The following NSUN3 variants were observed in gnomAD, a reference collection of about 807,000 sequenced individuals.
NSUN3 encodes the protein tRNA (cytosine(34)-C(5))-methyltransferase, mitochondrial.
NSUN3 carries 24 observed loss-of-function variants against 36.8 expected under a neutral mutation model. The observed-to-expected ratio is 0.65, with a 90% CI of 0.47 to 0.92. The LOEUF is 0.92. Among genes scored for constraint, NSUN3 ranks in the 40% least tolerant of loss-of-function variants. NSUN3 has a pLI of 0.00. For missense variants in NSUN3, 381 were observed against 392.8 expected, an observed-to-expected ratio of 0.97 and a Z score of 0.25; for synonymous variants, 146 against 145.2, an observed-to-expected ratio of 1.01 and a Z score of -0.04.
chr3:94,066,372 A>G (rs1367542720), intron 2 of NSUN3, among the ~76,000 whole-genome samples: 1 of 152,242 alleles, frequency 6.6e-6, no homozygotes, highest in Admixed American at 6.5e-5. Flanking sequence ...ATGGGGAAAT[A>G]AGAACAGAAT....
chr3:94,117,001 T>TTC lies in NSUN3; in HGVS notation c.744-9209_744-9208insCT, dbSNP rs1232338680. On this transcript the variant is annotated intron_variant, in intron 5 of 5. Coordinates refer to ENST00000314622, the MANE Select transcript of NSUN3 (RefSeq NM_022072.5). Reference sequence around the variant, plus strand: ...CTGCCACAACTTTTTTTTTTTTTTTTTTTTTTTTTTTTTGGGAGACAGAAT... The same window carrying TTC: ...CTGCCACAACTTTTTTTTTTTTTTTTTCTTTTTTTTTTTTTGGGAGACAGAAT... Among the ~76,000 whole-genome samples the TTC allele has an allele frequency of 1.1e-3, 154 of 144,680 alleles. 1 individual carries two copies. In the East Asian group the frequency reaches 0.016, roughly 15 times the overall value. The allele number at this position is 144,680 out of a possible 152,430, so 94.9% of individuals were successfully genotyped here.
At chr3:94,089,219 G>C (rs551992777) in intron 3 of NSUN3, among the ~76,000 whole-genome samples, 2 of 152,178 alleles carry the variant, frequency 1.3e-5, no homozygotes, top group South Asian at 4.1e-4. Context: ...AGGCATGAGT[G>C]GGGCAGGAGA....
At chr3:94,096,108 T>C (rs1455937416) in intron 5 of NSUN3, among the ~76,000 whole-genome samples, 2 of 152,094 alleles carry the variant, frequency 1.3e-5, no homozygotes, top group African/African-American at 4.8e-5. Flanking sequence ...AATGGTGCCT[T>C]AATCACTCAT....
chr3:94,103,904 A>AG (rs1195554333), intron 5 of NSUN3, among the ~76,000 whole-genome samples: 1 of 151,956 alleles, frequency 6.6e-6, no homozygotes, highest in Non-Finnish European at 1.5e-5. Context: ...TTTGATTTCC[A>AG]GGGGGATACT....
At chr3:94,068,134 C>T (rs764332351) in intron 2 of NSUN3, among the ~76,000 whole-genome samples, 10 of 151,736 alleles carry the variant, frequency 6.6e-5, no homozygotes, top group African/African-American at 1.9e-4. Flanking sequence ...CCATTGTCCT[C>T]GTCTGTAAAA....
At chr3:94,072,985 G>C (rs2077230406) in intron 2 of NSUN3, among the ~76,000 whole-genome samples, 1 of 152,094 alleles carries the variant, frequency 6.6e-6, no homozygotes. Flanking sequence ...CCTGATGTGT[G>C]ATGTTCCCCT....
At chr3:94,085,603 C>A (rs115990989) in intron 3 of NSUN3, among the ~76,000 whole-genome samples, 42 of 152,128 alleles carry the variant, frequency 2.8e-4, no homozygotes, top group African/African-American at 9.9e-4. Flanking sequence ...CAAAAAGATT[C>A]AAAAAATTAC....
In NSUN3 at chr3:94,084,445, G is replaced by A. The variant is rs767487662; in HGVS notation, c.461G>A (p.Cys154Tyr). The A allele has an allele frequency of 1.9e-6, 3 of 1,607,996 alleles. No individual in the cohort carries two copies. The highest frequency in any genetic ancestry group is 2.5e-6 in the Non-Finnish European group (3 of 1,176,750). Reference protein sequence around the residue: ...GKSIALLQCACPGYLHCNEYD... With the variant: ...GKSIALLQCAYPGYLHCNEYD... ...TCAATAGCTCTGCTGCAGTGTGCTT[G>A]TCCAGGTAGTGTGCTTTCCTTTCAG... Residue 154 changes from cysteine to tyrosine, a missense_variant, in exon 3 of 6, where the codon TGT (cysteine) becomes TAT (tyrosine). Cys to Tyr is a radical substitution (Grantham distance 194). Transcript: ENST00000314622.
chr3:94,084,297 C>T lies in NSUN3; in HGVS notation c.313C>T (p.His105Tyr). The change falls in exon 3 of 6, where the codon CAC (histidine) becomes TAC (tyrosine). Residue 105 changes from histidine to tyrosine, a missense_variant. Coordinates refer to ENST00000314622, the MANE Select transcript of NSUN3 (RefSeq NM_022072.5). ...RTPGRIPSER[H>Y]QIGNLKKYYL... ...TCCGGGCCGAATCCCTTCAGAAAGA[C>T]ACCAAATTGGAAACCTGAAAAAATA... 2 of 1,614,086 alleles carry T rather than the reference C, an allele frequency of 1.2e-6. No individual in the cohort carries two copies. The highest frequency in any genetic ancestry group is 1.7e-6 in the Non-Finnish European group (2 of 1,180,012).
intron 3 of NSUN3, among the ~76,000 whole-genome samples, chr3:94,093,309 A>G (rs185008585): frequency 5.1e-4 from 74 of 145,892 alleles, no homozygotes; most frequent in Non-Finnish European, 8.2e-4. Context: ...TTGTTAAAAT[A>G]CATATACACA....
At chr3:94,111,652 C>G (rs566079864) in intron 5 of NSUN3, among the ~76,000 whole-genome samples, 3 of 151,958 alleles carry the variant, frequency 2.0e-5, no homozygotes, top group Admixed American at 6.6e-5. Context: ...TTAGCCTAGG[C>G]CTGCACAGGG....
intron 2 of NSUN3, among the ~76,000 whole-genome samples, chr3:94,072,254 C>G (rs2077227330): frequency 6.6e-6 from 1 of 152,142 alleles, no homozygotes; most frequent in Non-Finnish European, 1.5e-5. Context: ...CAGGGTCTCA[C>G]ACGTTGGGAA....
chr3:94,073,965 C>T (rs536142173), intron 2 of NSUN3, among the ~76,000 whole-genome samples: 114 of 152,138 alleles, frequency 7.5e-4, no homozygotes, highest in African/African-American at 2.7e-3. Context: ...CCATCTTCAG[C>T]TAATTTTCAT....
At chr3:94,098,867 T>TA (rs1352216519) in intron 5 of NSUN3, among the ~76,000 whole-genome samples, 1 of 152,148 alleles carries the variant, frequency 6.6e-6, no homozygotes, top group Non-Finnish European at 1.5e-5. Context: ...CTCATGTCCT[T>TA]ACCTTCACTT....
rs566424420 is a variant in NSUN3 at position 94,108,217 on chromosome 3, A to G, written c.743+13063A>G. 9.2e-4 allele frequency among the ~76,000 whole-genome samples: 140 copies of G among 152,106 alleles called. 1 individual carries two copies. The highest frequency in any genetic ancestry group is 3.2e-3 in the African/African-American group (133 of 41,530). ...ACCACGTTTACTTTTTTTTATTATT[A>G]TACTTTAAGTTCTGTGATACATGTG... On this transcript the variant is annotated intron_variant, in intron 5 of 5. Coordinates refer to ENST00000314622, the MANE Select transcript of NSUN3 (RefSeq NM_022072.5).
rs1383975346 is a variant in NSUN3 at position 94,131,770 on chromosome 3, C to T, written c.*5280C>T. On this transcript the variant is annotated 3_prime_UTR_variant, in exon 6 of 6. Transcript: ENST00000314622. Reference sequence around the variant, plus strand: ...TTACCAACACATTAACTTCTCCCTGCCGTCCACACGCTGAACAGCCACTAC... The same window carrying T: ...TTACCAACACATTAACTTCTCCCTGTCGTCCACACGCTGAACAGCCACTAC... 6.6e-6 allele frequency among the ~76,000 whole-genome samples: 1 copy of T among 152,176 alleles called. No individual in the cohort carries two copies. Among genetic ancestry groups the T allele is most frequent in the Non-Finnish European group, 1.5e-5 (1 of 68,030 alleles).
rs762249055 is a variant in NSUN3, at chr3:94,126,305, T to G, written c.838T>G (p.Leu280Val). Reference sequence around the variant, plus strand: ...AAATCAAGATGTGATCAGTGAAATTTTAAACTCCCACGGTAACATCATGCC... The same window carrying G: ...AAATCAAGATGTGATCAGTGAAATTGTAAACTCCCACGGTAACATCATGCC... ...AENQDVISEILNSHGNIMPMD... is the reference protein window; with the variant it reads ...AENQDVISEIVNSHGNIMPMD... Residue 280 changes from leucine (L) to valine (V), a missense_variant, in exon 6 of 6, where the codon TTA becomes GTA. Coordinates refer to ENST00000314622, the MANE Select transcript of NSUN3 (RefSeq NM_022072.5). The G allele has an allele frequency of 1.2e-6, 2 of 1,614,138 alleles. No individual in the cohort carries two copies. The highest frequency in any genetic ancestry group is 1.7e-6 in the Non-Finnish European group (2 of 1,180,024).
At chr3:94,073,125 C>T (rs995031023) in intron 2 of NSUN3, among the ~76,000 whole-genome samples, 14 of 152,174 alleles carry the variant, frequency 9.2e-5, no homozygotes, top group Admixed American at 2.6e-4. Flanking sequence ...CCGCGAAGGA[C>T]GTGAACTCAT....
intron 2 of NSUN3, among the ~76,000 whole-genome samples, chr3:94,077,509 A>G (rs2077251535): frequency 6.6e-6 from 1 of 152,142 alleles, no homozygotes; most frequent in African/African-American, 2.4e-5. Flanking sequence ...TTTCAGAAGG[A>G]ATGGCACTAG....
Sources: gnomAD v4.1 joint callset for allele counts (sites outside exome capture counted in the v4.1 genomes callset) on GRCh38, gnomAD v4.1.1 for gene constraint, MANE v1.5 for transcripts, NCBI Gene and HGNC (gene_info 2026-07-23, HGNC 2026-07-21) for gene names.